FMNL2: variants seen among roughly 807,000 people sequenced by gnomAD.
FMNL2 encodes formin-like protein 2.
A neutral mutation model predicts 130.2 loss-of-function variants in FMNL2; 51 were observed. That is an observed-to-expected ratio of 0.39 (90% CI 0.31 to 0.49). The LOEUF (loss-of-function observed/expected upper bound fraction) is 0.49. Among genes scored for constraint, FMNL2 ranks in the 20% least tolerant of loss-of-function variants. The pLI is 0.85. For synonymous variants in FMNL2, 465 were observed against 467.1 expected (o/e 1.00, Z 0.06); for missense variants, 977 against 1,316.2 (o/e 0.74, Z 3.99).
At chr2:152,641,645 T>G (rs1683090455) in intron 25 of FMNL2, among the ~76,000 whole-genome samples, 1 of 152,204 alleles carries the variant, frequency 6.6e-6, no homozygotes, top group African/African-American at 2.4e-5. Flanking sequence ...AATAGTATGA[T>G]GAGGTCCCAT....
intron 1 of FMNL2, among the ~76,000 whole-genome samples, chr2:152,364,261 G>GTTTTTTTT (rs869062341): frequency 3.3e-4 from 8 of 24,462 alleles, no homozygotes; most frequent in African/African-American, 5.1e-4. Context: ...AGGTTTGTGT[G>GTTTTTTTT]TTTTTTTTTT....
At chr2:152,588,839 C>A (rs754260911) in intron 9 of FMNL2, among the ~76,000 whole-genome samples, 2 of 152,080 alleles carry the variant, frequency 1.3e-5, no homozygotes, top group African/African-American at 4.8e-5. Flanking sequence ...TCCCCAGTCA[C>A]ATTGGCTGTT....
chr2:152,583,590 A>G (rs1268357058), intron 9 of FMNL2, among the ~76,000 whole-genome samples: 1 of 152,132 alleles, frequency 6.6e-6, no homozygotes, highest in African/African-American at 2.4e-5. Flanking sequence ...GGTGCTACCC[A>G]TTTTTACCTC....
chr2:152,405,275 C>T (rs1001477443), intron 1 of FMNL2, among the ~76,000 whole-genome samples: 1 of 152,190 alleles, frequency 6.6e-6, no homozygotes, highest in Admixed American at 6.5e-5. Context: ...GTCCTTCTGA[C>T]ATTCAACGCA....
At chr2:152,349,410 C>T (rs1454427813) in intron 1 of FMNL2, among the ~76,000 whole-genome samples, 3 of 152,220 alleles carry the variant, frequency 2.0e-5, no homozygotes, top group Non-Finnish European at 4.4e-5. Context: ...AACGTGGCCA[C>T]TACCCAATCC....
chr2:152,353,369 G>A (rs1205307243), intron 1 of FMNL2, among the ~76,000 whole-genome samples: 1 of 152,136 alleles, frequency 6.6e-6, no homozygotes, highest in Admixed American at 6.5e-5. Flanking sequence ...GGAAGAATCT[G>A]GTAAAAAGTA....
intron 1 of FMNL2, among the ~76,000 whole-genome samples, chr2:152,379,739 G>A (rs1307350995): frequency 6.6e-6 from 1 of 152,126 alleles, no homozygotes; most frequent in Non-Finnish European, 1.5e-5. Context: ...ATTATGTATG[G>A]CAAACACAAT....
intron 1 of FMNL2, among the ~76,000 whole-genome samples, chr2:152,361,771 C>G (rs1321020522): frequency 6.6e-6 from 1 of 152,038 alleles, no homozygotes; most frequent in Non-Finnish European, 1.5e-5. Context: ...CTGTTACCGT[C>G]TTAGAGCATT....
intron 1 of FMNL2, among the ~76,000 whole-genome samples, chr2:152,425,948 T>G (rs1687180140): frequency 6.6e-6 from 1 of 152,198 alleles, no homozygotes. Context: ...TTTAGCAATT[T>G]TCTGTGGAGG....
At chr2:152,628,896 CTTTCA>C (rs1681981211) in intron 18 of FMNL2, among the ~76,000 whole-genome samples, 1 of 152,166 alleles carries the variant, frequency 6.6e-6, no homozygotes, top group Admixed American at 6.5e-5. Context: ...GAAAATAAGA[CTTTCA>C]TTTCTAAAAA....
intron 1 of FMNL2, among the ~76,000 whole-genome samples, chr2:152,394,215 A>G (rs920278029): frequency 6.6e-6 from 1 of 152,228 alleles, no homozygotes; most frequent in Non-Finnish European, 1.5e-5. Flanking sequence ...ACTAACGATC[A>G]TATCCAAAAA....
chr2:152,341,957 A>C (rs1344761351), intron 1 of FMNL2, among the ~76,000 whole-genome samples: 1 of 152,218 alleles, frequency 6.6e-6, no homozygotes, highest in African/African-American at 2.4e-5. Context: ...TAGGAAGTAC[A>C]TTATTGGCTC....
intron 2 of FMNL2, among the ~76,000 whole-genome samples, chr2:152,533,048 A>G (rs1294827392): frequency 6.6e-6 from 1 of 152,206 alleles, no homozygotes; most frequent in Non-Finnish European, 1.5e-5. Flanking sequence ...TAGTATTTAT[A>G]ATAGTATTTT....
intron 1 of FMNL2, among the ~76,000 whole-genome samples, chr2:152,498,933 A>G (rs999216015): frequency 2.6e-5 from 4 of 152,180 alleles, no homozygotes; most frequent in Non-Finnish European, 4.4e-5. Flanking sequence ...TAGTGAAGGA[A>G]TTTGGCATCT....
chr2:152,588,722 T>C (rs1697223108), intron 9 of FMNL2, among the ~76,000 whole-genome samples: 1 of 152,042 alleles, frequency 6.6e-6, no homozygotes, highest in Non-Finnish European at 1.5e-5. Context: ...GCTTAGGGCA[T>C]GGGAAGAGAA....
At chr2:152,600,794 G>T (rs1473494048) in intron 9 of FMNL2, among the ~76,000 whole-genome samples, 4 of 150,850 alleles carry the variant, frequency 2.7e-5, no homozygotes, top group African/African-American at 9.7e-5. Flanking sequence ...AATGAATCTT[G>T]CTTGTCCTGG....
intron 6 of FMNL2, among the ~76,000 whole-genome samples, chr2:152,565,093 A>T (rs528537041): frequency 5.3e-5 from 8 of 152,326 alleles, no homozygotes; most frequent in African/African-American, 1.9e-4. Flanking sequence ...AATGCCATAT[A>T]GGCACATATG....
intron 21 of FMNL2, among the ~76,000 whole-genome samples, chr2:152,635,717 C>T (rs2105948498): frequency 6.6e-6 from 1 of 152,306 alleles, no homozygotes; most frequent in South Asian, 2.1e-4. Context: ...GGGGGAGTGC[C>T]TGCCCCGGGA....
At chr2:152,472,437 A>G (rs1689911715) in intron 1 of FMNL2, among the ~76,000 whole-genome samples, 1 of 152,160 alleles carries the variant, frequency 6.6e-6, no homozygotes, top group Non-Finnish European at 1.5e-5. Flanking sequence ...CATTTTATTT[A>G]CAAAGCCTGG....
Sources: allele counts gnomAD v4.1 joint callset (sites outside exome capture counted in the v4.1 genomes callset), GRCh38; gene constraint gnomAD v4.1.1; transcripts MANE v1.5; gene names NCBI Gene and HGNC (gene_info 2026-07-23, HGNC 2026-07-21).